Variants in CCNE2 observed in about 807,000 individuals in gnomAD.
CCNE2 encodes cyclin E2, also known as G1/S-specific cyclin-E2.
CCNE2 carries 18 observed loss-of-function variants against 56.8 expected under a neutral mutation model. The ratio of observed to expected loss-of-function variants is 0.32; its 90% CI spans 0.22 to 0.47. CCNE2 has a LOEUF of 0.47. CCNE2 is among the 20% of genes least tolerant of loss of function. CCNE2 has a pLI of 1.00. For missense variants in CCNE2, 371 were observed against 467.1 expected, an observed-to-expected ratio of 0.79 and a Z score of 1.90; for synonymous variants, 139 against 149.2, an observed-to-expected ratio of 0.93 and a Z score of 0.50.
intron 7 of CCNE2, among the ~76,000 whole-genome samples, chr8:94,886,464 T>C (rs962213249): frequency 1.3e-5 from 2 of 152,080 alleles, no homozygotes; most frequent in East Asian, 1.9e-4. Flanking sequence ...CCCAGCACTT[T>C]GGGAGGTCGA....
At position 94,881,124 on chromosome 8, in the gene CCNE2, T is replaced by G; in HGVS notation, c.*508A>C. 2.5e-6 allele frequency: 1 copy of G among 396,366 alleles called. No homozygotes were observed. The highest frequency in any genetic ancestry group is 6.3e-4 in the Middle Eastern group (1 of 1,580). 24.6% of individuals were successfully genotyped at this position (396,366 alleles called of 1,614,324 possible). A position where few individuals can be genotyped will look rare whatever the true frequency, so the allele number is the denominator to read the frequency against. On this transcript the variant is annotated 3_prime_UTR_variant, in exon 12 of 12. Coordinates refer to ENST00000308108, the MANE Select transcript of CCNE2 (RefSeq NM_057749.3). ...GCTATAGCAGCTATAGATAAATTAG[T>G]CACCTTATTACAAAACTAAACCTTT... is the stretch of plus-strand genomic sequence containing the variant.
intron 7 of CCNE2, among the ~76,000 whole-genome samples, 176 bp from the exon 8 acceptor site, chr8:94,885,734 T>C (rs1272837881): frequency 6.8e-6 from 1 of 148,036 alleles, no homozygotes; most frequent in African/African-American, 2.5e-5. Flanking sequence ...TTTCTTTTTT[T>C]TTTTTTTTTT....
upstream of CCNE2, chr8:94,895,266 A>C (rs545076987): frequency 1.2e-5 from 12 of 985,464 alleles, no homozygotes; most frequent in South Asian, 3.8e-4. Flanking sequence ...CATGCGCCTC[A>C]GACTGACACC....
intron 7 of CCNE2, among the ~76,000 whole-genome samples, chr8:94,887,641 G>A (rs1276310024): frequency 2.6e-5 from 4 of 152,166 alleles, no homozygotes; most frequent in African/African-American, 9.7e-5. Flanking sequence ...TATATAAATA[G>A]AGCATCAATA....
intron 4 of CCNE2, among the ~76,000 whole-genome samples, chr8:94,893,279 C>G (rs1259296665): frequency 6.7e-6 from 1 of 148,266 alleles, no homozygotes; most frequent in Non-Finnish European, 1.5e-5. Context: ...TTCAAGATCA[C>G]AGAATCGTTC....
At chr8:94,893,117 T>C in intron 4 of CCNE2, 148 bp from the exon 5 acceptor site, 1 of 608,348 alleles carries the variant, frequency 1.6e-6, no homozygotes, top group Non-Finnish European at 2.7e-6. Flanking sequence ...ACATTCACAT[T>C]TTATAAACAA....
chr8:94,893,462 CT>C (rs1817321049), intron 4 of CCNE2: 1 of 170,866 alleles, frequency 5.9e-6, no homozygotes, highest in Non-Finnish European at 1.2e-5. Context: ...CAATCACTAT[CT>C]CCAAAGTGCT....
chr8:94,895,382 T>C (rs1817462909), upstream of CCNE2: 1 of 378,242 alleles, frequency 2.6e-6, no homozygotes, highest in Non-Finnish European at 3.6e-6. Flanking sequence ...GGGTCCACTC[T>C]ACCGGGCCTT....
rs1816843324 is a variant in CCNE2 at position 94,882,149 on chromosome 8, TTGTATG to T, written c.1078_1083del (p.His360_Thr361del). Reference sequence around the variant, plus strand: ...AAACATACCAGCATAGCCAAATAGTTTGTATGTGTCTGGATATTATGTCTGTCTTCC... The same window carrying T: ...AAACATACCAGCATAGCCAAATAGTTTGTCTGGATATTATGTCTGTCTTCC... On this transcript the variant is annotated inframe_deletion, in exon 11 of 12. Coordinates refer to ENST00000308108, the MANE Select transcript of CCNE2 (RefSeq NM_057749.3). 1 of 1,609,512 alleles carries T rather than the reference TTGTATG, an allele frequency of 6.2e-7. No homozygotes were observed.
chr8:94,890,391 G>A (rs1174836800), intron 6 of CCNE2, 24 bp downstream of exon 6: 1 of 1,538,040 alleles, frequency 6.5e-7, no homozygotes, highest in Non-Finnish European at 8.8e-7. Flanking sequence ...AGAGACAAAG[G>A]AAATTTGTAT....
upstream of CCNE2, chr8:94,896,358 AG>A (rs1817571599): frequency 1.4e-5 from 2 of 144,466 alleles, no homozygotes; most frequent in South Asian, 4.2e-4. Context: ...TGTTGGGAGG[AG>A]GGGGGCCCGA....
At chr8:94,896,368 G>A (rs527350139), upstream of CCNE2, 4 of 151,486 alleles carry the variant, frequency 2.6e-5, no homozygotes, top group African/African-American at 7.2e-5. Context: ...AGGGGGGCCC[G>A]ACGCTCTTCC....
chr8:94,887,525 C>G (rs906440773), intron 7 of CCNE2, among the ~76,000 whole-genome samples: 4 of 151,980 alleles, frequency 2.6e-5, no homozygotes, highest in Admixed American at 1.3e-4. Context: ...AAAAAAAAGG[C>G]TGGATAAACC....
intron 11 of CCNE2, 115 bp downstream of exon 11, chr8:94,882,017 C>T: frequency 9.6e-7 from 1 of 1,046,806 alleles, no homozygotes; most frequent in East Asian, 2.4e-5. Flanking sequence ...TCAGTGTGCC[C>T]CTTAGAACTT....
At chr8:94,884,975 T>C (rs1435087767) in intron 9 of CCNE2, 92 bp downstream of exon 9, 1 of 1,102,926 alleles carries the variant, frequency 9.1e-7, no homozygotes, top group Non-Finnish European at 1.3e-6. Flanking sequence ...GAAGTCAATA[T>C]GTCATTTTGT....
chr8:94,881,600 T>G lies in CCNE2; in HGVS notation c.*32A>C. 1 of 1,608,852 alleles carries G rather than the reference T, an allele frequency of 6.2e-7. No individual in the cohort carries two copies. Among genetic ancestry groups the G allele is most frequent in the South Asian group, 1.1e-5 (1 of 90,626 alleles). ...TGATACCAGTTCTACCCAATCTTGG[T>G]GAATTCCAACTTGTTTGCTTAGTTA... is the stretch of plus-strand genomic sequence containing the variant. On this transcript the variant is annotated 3_prime_UTR_variant, in exon 12 of 12. Coordinates refer to ENST00000308108, the MANE Select transcript of CCNE2 (RefSeq NM_057749.3).
At chr8:94,886,033 A>G (rs1055416222) in intron 7 of CCNE2, among the ~76,000 whole-genome samples, 1 of 152,162 alleles carries the variant, frequency 6.6e-6, no homozygotes, top group Non-Finnish European at 1.5e-5. Flanking sequence ...TCAACTTAAC[A>G]GTATTTTCAA....
intron 4 of CCNE2, chr8:94,893,641 A>T: frequency 1.9e-6 from 1 of 522,414 alleles, no homozygotes; most frequent in Non-Finnish European, 3.4e-6. Flanking sequence ...GCCCTGGTGC[A>T]CCAGGCAGTT....
chr8:94,895,060 T>C, intron 1 of CCNE2, 117 bp downstream of exon 1: 1 of 448,850 alleles, frequency 2.2e-6, no homozygotes, highest in Non-Finnish European at 2.9e-6. Context: ...TGACCCCCAG[T>C]CGTCTAGTTC....
Sources: allele counts gnomAD v4.1 joint callset (sites outside exome capture counted in the v4.1 genomes callset), GRCh38; gene constraint gnomAD v4.1.1; transcripts MANE v1.5; gene names NCBI Gene and HGNC (gene_info 2026-07-23, HGNC 2026-07-21).